The following IL21 variants were observed in gnomAD, a reference collection of about 807,000 sequenced individuals.
IL21 encodes the protein interleukin-21.
In IL21, 3 loss-of-function variants were observed where a neutral mutation model predicts 18.4. The observed-to-expected ratio is 0.16, with a 90% CI of 0.07 to 0.42. The LOEUF is 0.42. IL21 is among the 10% of genes least tolerant of loss of function. The pLI is 0.99. For missense variants in IL21, 130 were observed against 188.4 expected, an observed-to-expected ratio of 0.69 and a Z score of 1.81; for synonymous variants, 37 against 62.0, an observed-to-expected ratio of 0.60 and a Z score of 1.90.
intron 2 of IL21, among the ~76,000 whole-genome samples, chr4:122,616,445 A>T (rs1578437006): frequency 6.6e-6 from 1 of 152,314 alleles, no homozygotes; most frequent in South Asian, 2.1e-4. Flanking sequence ...CATATTTTAC[A>T]TCTAAGATTC....
chr4:122,616,350 A>G (rs1037991267), intron 2 of IL21, among the ~76,000 whole-genome samples: 1 of 152,228 alleles, frequency 6.6e-6, no homozygotes. Context: ...TTAATGATCA[A>G]CATATATTTG....
rs187074097 is a variant in IL21, at chr4:122,614,958, A to C, written c.360+724T>G. On this transcript the variant is annotated intron_variant, in intron 3 of 4. Coordinates refer to ENST00000648588, the MANE Select transcript of IL21 (RefSeq NM_021803.4). The stretch of plus-strand genomic sequence containing the variant: ...GATTTAAGAGAGGAGGCAAAGTTTA[A>C]GATTTGCCCTAGTCTTCTTGTAGGC... 1.4e-3 allele frequency among the ~76,000 whole-genome samples: 208 copies of C among 152,306 alleles called. 1 individual carries two copies. Among genetic ancestry groups the C allele is most frequent in the African/African-American group, 4.9e-3 (203 of 41,576 alleles).
intron 3 of IL21, among the ~76,000 whole-genome samples, chr4:122,614,525 G>T: frequency 6.6e-6 from 1 of 151,950 alleles, no homozygotes; most frequent in East Asian, 1.9e-4. Flanking sequence ...TGACCAACAT[G>T]GTGAAACCCC....
chr4:122,612,417 A>G lies in IL21; in HGVS notation c.*293T>C, dbSNP rs2150684611. Among the ~76,000 whole-genome samples, 1 of 152,282 alleles carries G rather than the reference A, an allele frequency of 6.6e-6. No individual in the cohort carries two copies. The highest frequency in any genetic ancestry group is 2.1e-4 in the South Asian group (1 of 4,826). On this transcript the variant is annotated 3_prime_UTR_variant, in exon 5 of 5. Coordinates refer to ENST00000648588, the MANE Select transcript of IL21 (RefSeq NM_021803.4). ...TCAAGCTCAAGGTTAATATAAAATC[A>G]ATAGATGTCAAAACTGTATTTTTGG...
At chr4:122,618,846 C>T (rs1257474430) in intron 2 of IL21, 1 of 147,980 alleles carries the variant, frequency 6.8e-6, no homozygotes, top group Non-Finnish European at 1.5e-5. Flanking sequence ...TACCTTTGTC[C>T]TACACACAAA....
chr4:122,617,458 A>G (rs1799351855), intron 2 of IL21, among the ~76,000 whole-genome samples: 1 of 152,200 alleles, frequency 6.6e-6, no homozygotes, highest in Non-Finnish European at 1.5e-5. Context: ...ACAGAGGCTC[A>G]TTTTGCTGAG....
At chr4:122,616,016 C>G (rs1799332464) in intron 2 of IL21, among the ~76,000 whole-genome samples, 179 bp from the exon 3 acceptor site, 1 of 152,172 alleles carries the variant, frequency 6.6e-6, no homozygotes. Flanking sequence ...AGGGACAATC[C>G]CCTGCTTCGC....
In IL21 at chr4:122,611,827, AAAG is replaced by A. The variant is rs1430610193; in HGVS notation, c.*880_*882del. Among the ~76,000 whole-genome samples, 2 of 152,192 alleles carry A rather than the reference AAAG, an allele frequency of 1.3e-5. No individual in the cohort carries two copies. Among genetic ancestry groups the A allele is most frequent in the East Asian group, 1.9e-4 (1 of 5,200 alleles). ...GAAGGAAGAAAAGAAACGAAAGAAG[AAAG>A]AAGGAGACAAATATTTGGAGTTACT... On this transcript the variant is annotated 3_prime_UTR_variant, in exon 5 of 5. Transcript: ENST00000648588.
At chr4:122,619,228 C>G (rs147698971) in intron 2 of IL21, 2 of 152,268 alleles carry the variant, frequency 1.3e-5, no homozygotes, top group Non-Finnish European at 2.9e-5. Context: ...AAATCTCTTA[C>G]AGACCCTACT....
intron 3 of IL21, among the ~76,000 whole-genome samples, chr4:122,613,346 A>G (rs544057950): frequency 8.2e-5 from 11 of 133,540 alleles, no homozygotes; most frequent in South Asian, 5.3e-4. Context: ...GTTGCATCTA[A>G]CTTTTTTTTT....
chr4:122,619,345 A>G (rs1382113628), intron 2 of IL21: 1 of 152,206 alleles, frequency 6.6e-6, no homozygotes, highest in Admixed American at 6.5e-5. Flanking sequence ...TTACTCACTT[A>G]TATCATAGCC....
At position 122,612,940 on chromosome 4, in the gene IL21, T is replaced by A; in HGVS notation, c.361-12A>T. On this transcript the variant is annotated splice_polypyrimidine_tract_variant and intron_variant, in intron 3 of 4. Coordinates refer to ENST00000648588, the MANE Select transcript of IL21 (RefSeq NM_021803.4). ...CATGAAGGGCATGTCTAGAAATCAA[T>A]GAAAAAGTAACAGTCTTCTTTAAAA... 1 of 1,517,704 alleles carries A rather than the reference T, an allele frequency of 6.6e-7. No individual in the cohort carries two copies. Among genetic ancestry groups the A allele is most frequent in the Non-Finnish European group, 9.0e-7 (1 of 1,116,060 alleles). 94.0% of individuals were successfully genotyped at this position (1,517,704 alleles called of 1,614,324 possible). A position where few individuals can be genotyped will look rare whatever the true frequency, so the allele number is the denominator to read the frequency against.
chr4:122,614,066 T>C (rs1355461753), intron 3 of IL21, among the ~76,000 whole-genome samples: 3 of 152,224 alleles, frequency 2.0e-5, no homozygotes. Flanking sequence ...TGTGATGTTG[T>C]AGTGAGAGCA....
Position 122,621,035 on chromosome 4 carries a change from C to T in IL21, c.-24G>A, listed in dbSNP as rs1799421314. The T allele has an allele frequency of 6.2e-6, 10 of 1,603,908 alleles. No homozygotes were observed. Among genetic ancestry groups the T allele is most frequent in the African/African-American group, 1.3e-5 (1 of 74,630 alleles). Reference sequence around the variant, plus strand: ...ATAAGTACCAACAGTAGAGCTAGACCTTGGTCTCGTTTTCACTTCAGCTTG... The same window carrying T: ...ATAAGTACCAACAGTAGAGCTAGACTTTGGTCTCGTTTTCACTTCAGCTTG... On this transcript the variant is annotated 5_prime_UTR_variant, in exon 1 of 5. Transcript: ENST00000648588.
chr4:122,613,687 A>G (rs758748777), intron 3 of IL21, among the ~76,000 whole-genome samples: 8 of 152,064 alleles, frequency 5.3e-5, no homozygotes, highest in Non-Finnish European at 1.2e-4. Flanking sequence ...CATTACTCCA[A>G]AGAACATCTC....
chr4:122,616,784 G>T (rs17886332), intron 2 of IL21, among the ~76,000 whole-genome samples: 4,779 of 152,244 alleles, frequency 0.031, 225 homozygotes, highest in African/African-American at 0.1. Flanking sequence ...TTTTAATGCT[G>T]ATCCAAAAGC....
rs1326148528 is a variant in IL21 at position 122,612,342 on chromosome 4, G to GGTAT, written c.*364_*367dup. Among the ~76,000 whole-genome samples, 1 of 151,816 alleles carries GGTAT rather than the reference G, an allele frequency of 6.6e-6. No individual in the cohort carries two copies. The highest frequency in any genetic ancestry group is 1.5e-5 in the Non-Finnish European group (1 of 67,942). On this transcript the variant is annotated 3_prime_UTR_variant, in exon 5 of 5. Transcript: ENST00000648588. ...CTTCTATATTATCAGCTGGAATGAA[G>GGTAT]GTATATATGTTTTAAGTTATGATCA...
In IL21 at chr4:122,616,629, G is replaced by C. The variant is rs141622466; in HGVS notation, c.205-792C>G. On this transcript the variant is annotated intron_variant, in intron 2 of 4. Coordinates refer to ENST00000648588, the MANE Select transcript of IL21 (RefSeq NM_021803.4). ...GGTAAGAATAGGGTCTCAGAGAATG[G>C]AGGAGCGGATAAAATAAGCATCAAA... Among the ~76,000 whole-genome samples, 6 of 152,312 alleles carry C rather than the reference G, an allele frequency of 3.9e-5. No homozygotes were observed. The East Asian group carries it at 5.8e-4, about 15-fold the overall frequency.
rs183255802 is a variant in IL21, at chr4:122,620,847, G to A, written c.165C>T (p.Asp55=). ...GTTGTGACAAATATAGTCTTACCAA[G>A]TCATTCACATAATTTTTCAGCTGAT... ...IVDQLKNYVN[D]LVPEFLPAPE... The change falls in exon 1 of 5, where the codon GAC becomes GAT. Residue 55 remains aspartate, a synonymous_variant. Transcript: ENST00000648588. 3.7e-5 allele frequency: 59 copies of A among 1,613,768 alleles called. No homozygotes were observed. The East Asian group carries it at 1.3e-3, about 35-fold the overall frequency.
Sources: gnomAD v4.1 joint callset for allele counts (sites outside exome capture counted in the v4.1 genomes callset) on GRCh38, gnomAD v4.1.1 for gene constraint, MANE v1.5 for transcripts, NCBI Gene and HGNC (gene_info 2026-07-23, HGNC 2026-07-21) for gene names.